The following FAM167A variants were observed in gnomAD, a reference collection of about 807,000 sequenced individuals.
FAM167A encodes family with sequence similarity 167 member A.
Under a neutral mutation model 14.9 loss-of-function variants are expected in FAM167A, and 23 were observed. The ratio of observed to expected loss-of-function variants is 1.55; its 90% CI spans 1.11 to 2.19. The LOEUF is 2.19. Among genes scored for constraint, FAM167A ranks in the 30% most tolerant of loss-of-function variants. The probability of loss-of-function intolerance (pLI) is 0.00; values close to 1 mark genes in which losing one functional copy is unlikely to be tolerated. For missense variants in FAM167A, 401 were observed against 281.5 expected, an observed-to-expected ratio of 1.42 and a Z score of -3.04; for synonymous variants, 174 against 117.7, an observed-to-expected ratio of 1.48 and a Z score of -3.10.
intron 1 of FAM167A, chr8:11,445,185 GC>G: frequency 1.0e-6 from 1 of 985,154 alleles, no homozygotes; most frequent in Non-Finnish European, 1.2e-6. Flanking sequence ...ACAAGCTCAG[GC>G]TGTCTGAATC....
chr8:11,473,790 A>G (rs1238573665), intron 1 of FAM167A, among the ~76,000 whole-genome samples: 1 of 152,208 alleles, frequency 6.6e-6, no homozygotes, highest in Non-Finnish European at 1.5e-5. Flanking sequence ...TAACGCCTAG[A>G]AAATGCCTGA....
intron 2 of FAM167A, among the ~76,000 whole-genome samples, chr8:11,432,645 G>T (rs1805692404): frequency 6.6e-6 from 1 of 152,220 alleles, no homozygotes; most frequent in African/African-American, 2.4e-5. Flanking sequence ...CATTGTGGAA[G>T]ACAGTATGGC....
rs566716812 is a variant in FAM167A, at chr8:11,423,736, C to T, written c.*637G>A. ...TGCCCCCATCACATGTCCCAGCACA[C>T]GCCAGAATTTACAATTTACACAGCC... On this transcript the variant is annotated 3_prime_UTR_variant, in exon 3 of 3. Coordinates refer to ENST00000284486, the MANE Select transcript of FAM167A (RefSeq NM_053279.3). The T allele has an allele frequency of 6.5e-5, 10 of 153,576 alleles. No homozygotes were observed. Among genetic ancestry groups the T allele is most frequent in the South Asian group, 6.2e-4 (3 of 4,858 alleles). 9.5% of individuals were successfully genotyped at this position (153,576 alleles called of 1,614,324 possible).
At chr8:11,470,058 T>C (rs1300791977), upstream of FAM167A, among the ~76,000 whole-genome samples, 1 of 152,206 alleles carries the variant, frequency 6.6e-6, no homozygotes, top group Non-Finnish European at 1.5e-5. Context: ...ACAAGTTAGA[T>C]GAAGGACCTC....
intron 2 of FAM167A, among the ~76,000 whole-genome samples, chr8:11,431,893 CAAAAAA>C (rs748615997): frequency 1.2e-3 from 19 of 15,640 alleles, no homozygotes; most frequent in South Asian, 3.0e-3. Context: ...GACCAATTGG[CAAAAAA>C]AAAAAAAAAA....
chr8:11,435,949 G>C (rs6998387), intron 2 of FAM167A, among the ~76,000 whole-genome samples: 2 of 152,036 alleles, frequency 1.3e-5, no homozygotes, highest in Admixed American at 6.5e-5. Flanking sequence ...AAACCATTCA[G>C]TTACGTTTTT....
chr8:11,455,574 G>C (rs1424547414), intron 1 of FAM167A, among the ~76,000 whole-genome samples: 3 of 145,602 alleles, frequency 2.1e-5, no homozygotes, highest in African/African-American at 7.6e-5. Context: ...GCCTTGCTTT[G>C]AGTTTGAGTG....
intron 1 of FAM167A, among the ~76,000 whole-genome samples, chr8:11,457,829 T>A (rs1239105533): frequency 6.6e-6 from 1 of 152,136 alleles, no homozygotes; most frequent in East Asian, 1.9e-4. Context: ...TTCTCTGAAT[T>A]CTCCAGTCAC....
At chr8:11,461,098 C>T (rs143805149) in intron 1 of FAM167A, among the ~76,000 whole-genome samples, 365 of 152,278 alleles carry the variant, frequency 2.4e-3, no homozygotes, top group Middle Eastern at 3.4e-3. Context: ...GGCCCTGGCT[C>T]CTGGGAGCCA....
intron 2 of FAM167A, among the ~76,000 whole-genome samples, chr8:11,440,398 A>G (rs1806365474): frequency 6.6e-6 from 1 of 152,218 alleles, no homozygotes; most frequent in Non-Finnish European, 1.5e-5. Context: ...AGTGACAGTC[A>G]TTTCCTTGAA....
intron 1 of FAM167A, among the ~76,000 whole-genome samples, chr8:11,455,871 A>G (rs1334921006): frequency 8.9e-5 from 4 of 44,868 alleles, no homozygotes; most frequent in Admixed American, 2.9e-4. Context: ...TATGAGTGTG[A>G]GTGTGGGGTG....
chr8:11,471,723 C>T (rs554021969), upstream of FAM167A, among the ~76,000 whole-genome samples: 11 of 152,314 alleles, frequency 7.2e-5, no homozygotes, highest in South Asian at 2.1e-4. Flanking sequence ...GCAAGATGGC[C>T]GGGGGTCAGG....
In FAM167A at chr8:11,466,735, C is replaced by G. The variant is rs1048170953; in HGVS notation, c.-507G>C. On this transcript the variant is annotated 5_prime_UTR_variant, in exon 1 of 3. Transcript: ENST00000284486. ...GCTCAGGGCTCCCGCCTCGCCTCCC[C>G]GAGCTCCGGTGAATTCTCGGCGCTG... 6.6e-6 allele frequency: 1 copy of G among 152,280 alleles called. No individual in the cohort carries two copies. Among genetic ancestry groups the G allele is most frequent in the Admixed American group, 6.5e-5 (1 of 15,290 alleles). 9.4% of individuals were successfully genotyped at this position (152,280 alleles called of 1,614,324 possible).
Position 11,421,547 on chromosome 8 carries a change from A to T in FAM167A, c.*2826T>A. ...TTTTTCTAACAGCAATATAGAAACA[A>T]ATAATCATAAAAAATAAAAGTATAA... On this transcript the variant is annotated 3_prime_UTR_variant, in exon 3 of 3. Coordinates refer to ENST00000284486, the MANE Select transcript of FAM167A (RefSeq NM_053279.3). 4 of 396,062 alleles carry T rather than the reference A, an allele frequency of 1.0e-5. No individual in the cohort carries two copies. The highest frequency in any genetic ancestry group is 1.8e-5 in the Non-Finnish European group (4 of 224,770). The allele number at this position is 396,062 out of a possible 1,614,324, so 24.5% of individuals were successfully genotyped here.
intron 1 of FAM167A, chr8:11,445,496 C>T (rs1806729865): frequency 1.0e-6 from 1 of 985,720 alleles, no homozygotes; most frequent in African/African-American, 1.7e-5. Flanking sequence ...GGCTGGATGG[C>T]TAAACAAGCA....
intron 2 of FAM167A, chr8:11,443,586 C>T (rs950750089): frequency 1.7e-5 from 3 of 176,170 alleles, no homozygotes; most frequent in Non-Finnish European, 2.4e-5. Context: ...TGGAGCCACC[C>T]GGCCAGCGCC....
In FAM167A at chr8:11,442,746, A is replaced by AC. The variant is rs1806517258; in HGVS notation, c.381+1284dup. On this transcript the variant is annotated intron_variant, in intron 2 of 2. Coordinates refer to ENST00000284486, the MANE Select transcript of FAM167A (RefSeq NM_053279.3). The stretch of plus-strand genomic sequence containing the variant: ...AGAGCACCCCAGAGATATGGCTCAA[A>AC]CCCGCAGGTGCCTCATCTTCTCCGA... Among the ~76,000 whole-genome samples, 8 of 151,912 alleles carry AC rather than the reference A, an allele frequency of 5.3e-5. No homozygotes were observed. The Middle Eastern group carries it at 0.014, about 258-fold the overall frequency.
At chr8:11,436,147 G>A (rs142794415) in intron 2 of FAM167A, among the ~76,000 whole-genome samples, 226 of 152,354 alleles carry the variant, frequency 1.5e-3, no homozygotes, top group Middle Eastern at 3.4e-3. Flanking sequence ...GGTTGGGTAG[G>A]GCTGTGTTAT....
chr8:11,439,851 G>T, intron 2 of FAM167A, among the ~76,000 whole-genome samples: 1 of 152,286 alleles, frequency 6.6e-6, no homozygotes, highest in East Asian at 1.9e-4. Flanking sequence ...AAAACAGAAA[G>T]GAGGGTCCCT....
Sources: gnomAD v4.1 joint callset for allele counts (sites outside exome capture counted in the v4.1 genomes callset) on GRCh38, gnomAD v4.1.1 for gene constraint, MANE v1.5 for transcripts, NCBI Gene and HGNC (gene_info 2026-07-23, HGNC 2026-07-21) for gene names.